Variants in KCNK16 observed in about 807,000 individuals in gnomAD.
KCNK16 encodes the protein potassium two pore domain channel subfamily K member 16, also known as potassium channel subfamily K member 16.
KCNK16 carries 23 observed loss-of-function variants against 23.0 expected under a neutral mutation model. The observed-to-expected ratio is 1.00, with a 90% CI of 0.72 to 1.41. The LOEUF is 1.41. KCNK16 is among the 40% of genes most tolerant of loss of function. The pLI is 0.00. For synonymous variants in KCNK16, 145 were observed against 153.5 expected (o/e 0.94, Z 0.41); for missense variants, 327 against 365.8 (o/e 0.89, Z 0.87).
At chr6:39,318,494 T>A (rs1762405438) in intron 2 of KCNK16, among the ~76,000 whole-genome samples, 1 of 151,854 alleles carries the variant, frequency 6.6e-6, no homozygotes, top group Non-Finnish European at 1.5e-5. Context: ...GCCGAGGGGG[T>A]GTAGCAGCTG....
rs1762556154 is a variant in KCNK16 at position 39,322,644 on chromosome 6, G to A, written c.-104C>T. 4.1e-6 allele frequency: 6 copies of A among 1,453,552 alleles called. No individual in the cohort carries two copies. The South Asian group carries it at 6.9e-5, about 17-fold the overall frequency. 90.0% of individuals were successfully genotyped at this position (1,453,552 alleles called of 1,614,324 possible). A position where few individuals can be genotyped will look rare whatever the true frequency, so the allele number is the denominator to read the frequency against. ...GGGGCCTGTGCCCAGGCTGCCGCCT[G>A]CCCTGCCCTCCTCCTCGGCACAGGT... On this transcript the variant is annotated 5_prime_UTR_variant, in exon 1 of 5. Transcript: ENST00000437525.
Position 39,317,737 on chromosome 6 carries a change from TTG to T in KCNK16, c.495+47_495+48del, listed in dbSNP as rs1200552798. 2.7e-6 allele frequency: 4 copies of T among 1,489,376 alleles called. No homozygotes were observed. The South Asian group carries it at 5.4e-5, about 20-fold the overall frequency. 92.3% of individuals were successfully genotyped at this position (1,489,376 alleles called of 1,614,324 possible). A position where few individuals can be genotyped will look rare whatever the true frequency, so the allele number is the denominator to read the frequency against. ...AGCATCGGCTTCTGGGGAACTCCACTTGCAACAGATCTGTCACAGCAGGCCTG... is the reference window on the plus strand; with the variant it reads ...AGCATCGGCTTCTGGGGAACTCCACTCAACAGATCTGTCACAGCAGGCCTG... On this transcript the variant is annotated intron_variant, in intron 3 of 4. Transcript: ENST00000437525.
chr6:39,316,728 C>T, intron 4 of KCNK16, 54 bp downstream of exon 4: 4 of 1,579,692 alleles, frequency 2.5e-6, no homozygotes, highest in Non-Finnish European at 3.5e-6. Flanking sequence ...TCTCCATCCC[C>T]CAAATCCCAG....
chr6:39,322,260 C>G (rs1291810098), intron 1 of KCNK16, 68 bp downstream of exon 1: 2 of 1,561,608 alleles, frequency 1.3e-6, no homozygotes, highest in Non-Finnish European at 1.7e-6. Flanking sequence ...TGTGGATCTG[C>G]CACAGGAACC....
In KCNK16 at chr6:39,318,990, G is replaced by A; in HGVS notation, c.328+29C>T. ...GCCCAAACTAAGACAGGGGCCTTGG[G>A]GAAGCTCTTCTCTACCCCAGCCCTT... On this transcript the variant is annotated intron_variant, in intron 2 of 4. Coordinates refer to ENST00000437525, the MANE Select transcript of KCNK16 (RefSeq NM_001135106.2). 2.7e-6 allele frequency: 4 copies of A among 1,482,706 alleles called. No homozygotes were observed. The South Asian group carries it at 4.5e-5, about 17-fold the overall frequency. 91.8% of individuals were successfully genotyped at this position (1,482,706 alleles called of 1,614,324 possible).
chr6:39,317,414 G>A (rs916784563), intron 3 of KCNK16, among the ~76,000 whole-genome samples: 4 of 152,186 alleles, frequency 2.6e-5, no homozygotes, highest in Admixed American at 6.5e-5. Context: ...AAAGGAGGAC[G>A]GTGGGCCAGC....
chr6:39,316,907 C>T lies in KCNK16; in HGVS notation c.536G>A (p.Gly179Glu), dbSNP rs2113849923. ...TGGGAAGATGAGAATGACCAGCGTC[C>T]CCAGGGTCAGGAACAGAGCCAGGCC... ...VLGLALFLTLGTLVILIFPPM... is the reference protein window; with the variant it reads ...VLGLALFLTLETLVILIFPPM... The change falls in exon 4 of 5, where the codon GGG becomes GAG. Residue 179 changes from glycine (G) to glutamate (E), a missense_variant. By Grantham distance (98) the Gly-to-Glu change is moderately conservative. Transcript: ENST00000437525. The T allele has an allele frequency of 6.2e-7, 1 of 1,613,470 alleles. No homozygotes were observed. Among genetic ancestry groups the T allele is most frequent in the Non-Finnish European group, 8.5e-7 (1 of 1,179,866 alleles).
Position 39,319,157 on chromosome 6 carries a change from G to T in KCNK16, c.214-24C>A, listed in dbSNP as rs757526908. ...ACCTGTAGGGGGTGGCATGGCAGGG[G>T]AGGAAGAAGGAGCTGATGGTTACTG... On this transcript the variant is annotated intron_variant, in intron 1 of 4. Transcript: ENST00000437525. The surrounding 1 kb of genome is among the most constrained non-coding windows in gnomAD (Gnocchi z 4.2). 2.1e-6 allele frequency: 3 copies of T among 1,405,618 alleles called. No individual in the cohort carries two copies. In the South Asian group the frequency reaches 3.5e-5, roughly 16 times the overall value. The allele number at this position is 1,405,618 out of a possible 1,614,324, so 87.1% of individuals were successfully genotyped here. A position where few individuals can be genotyped will look rare whatever the true frequency, so the allele number is the denominator to read the frequency against.
intron 3 of KCNK16, 53 bp from the exon 4 acceptor site, chr6:39,317,000 A>G (rs576057232): frequency 3.2e-6 from 5 of 1,560,986 alleles, no homozygotes; most frequent in Non-Finnish European, 4.3e-6. Flanking sequence ...CCAGGATTGT[A>G]TGAGGTTGGG....
chr6:39,318,304 A>G (rs534561009), intron 2 of KCNK16, among the ~76,000 whole-genome samples: 4 of 152,232 alleles, frequency 2.6e-5, no homozygotes, highest in African/African-American at 9.6e-5. Context: ...TTGGACTGGA[A>G]GTTCCTTGCA....
At chr6:39,322,270 C>T (rs1762539297) in intron 1 of KCNK16, 58 bp downstream of exon 1, 1 of 1,573,158 alleles carries the variant, frequency 6.4e-7, no homozygotes, top group Non-Finnish European at 8.7e-7. Flanking sequence ...CCACAGGAAC[C>T]CCATTCCACC....
intron 4 of KCNK16, 111 bp from the exon 5 acceptor site, chr6:39,316,553 AG>A (rs1473182431): frequency 1.5e-6 from 2 of 1,362,446 alleles, no homozygotes; most frequent in Middle Eastern, 2.6e-4. Flanking sequence ...CCTCATAACA[AG>A]GAACAGCAGT....
downstream of KCNK16, chr6:39,316,147 C>A: frequency 2.8e-6 from 4 of 1,439,504 alleles, no homozygotes; most frequent in Non-Finnish European, 3.6e-6. Context: ...GAAAGCAGGG[C>A]TGGAAATCCA....
chr6:39,321,790 C>T (rs1038528734), intron 1 of KCNK16, among the ~76,000 whole-genome samples: 1 of 152,224 alleles, frequency 6.6e-6, no homozygotes, highest in Non-Finnish European at 1.5e-5. Context: ...CCCACCAAAC[C>T]CAACTCCAGG....
downstream of KCNK16, chr6:39,314,774 A>T (rs1762246846): frequency 5.7e-6 from 3 of 528,084 alleles, no homozygotes; most frequent in Non-Finnish European, 9.9e-6. Context: ...ATCTCCAAGG[A>T]CTTGCTGTCT....
chr6:39,317,686 A>T (rs1226662981), intron 3 of KCNK16, 100 bp downstream of exon 3: 1 of 1,334,846 alleles, frequency 7.5e-7, no homozygotes, highest in African/African-American at 1.5e-5. Flanking sequence ...TCTACCCCTA[A>T]CACCATGCAT....
chr6:39,315,012 A>G (rs1352093727), downstream of KCNK16: 2 of 1,603,606 alleles, frequency 1.2e-6, no homozygotes, highest in African/African-American at 2.7e-5. Flanking sequence ...TCAGCTTCCC[A>G]GTCCTTTCTT....
At chr6:39,318,234 T>A (rs750510263) in intron 2 of KCNK16, among the ~76,000 whole-genome samples, 20 of 152,270 alleles carry the variant, frequency 1.3e-4, no homozygotes, top group Admixed American at 1.3e-4. Flanking sequence ...GTCATTGCTA[T>A]GTAATTATCG....
rs765190516 is a variant in KCNK16 at position 39,322,520 on chromosome 6, G to A, written c.21C>T (p.Cys7=). Residue 7 remains cysteine (C), a synonymous_variant, in exon 1 of 5, where the codon TGC becomes TGT. Coordinates refer to ENST00000437525, the MANE Select transcript of KCNK16 (RefSeq NM_001135106.2). ...GCAGCACCCGGCCACCCCAGCAGCT[G>A]CAGAGCCCAGCACTGGGCATGCTGT... The part of the protein sequence containing the change: MPSAGL[C]SCWGGRVLPL... The A allele has an allele frequency of 7.5e-6, 12 of 1,604,460 alleles. No homozygotes were observed. The South Asian group carries it at 1.2e-4, about 16-fold the overall frequency.
Sources: gnomAD v4.1 joint callset for allele counts (sites outside exome capture counted in the v4.1 genomes callset) on GRCh38, gnomAD v4.1.1 for gene constraint, Gnocchi (gnomAD v3.1) non-coding constraint, MANE v1.5 for transcripts, NCBI Gene and HGNC (gene_info 2026-07-23, HGNC 2026-07-21) for gene names.